The following C1QTNF7 variants were observed in gnomAD, a reference collection of about 807,000 sequenced individuals.
C1QTNF7 encodes the protein complement C1q tumor necrosis factor-related protein 7.
Under a neutral mutation model 19.6 loss-of-function variants are expected in C1QTNF7, and 15 were observed. The observed-to-expected ratio is 0.76, with a 90% CI of 0.51 to 1.18. The LOEUF (loss-of-function observed/expected upper bound fraction) is 1.18, where lower values mean the gene tolerates loss of function less well. C1QTNF7 is among the 50% of genes most tolerant of loss of function. The probability of loss-of-function intolerance (pLI) is 0.00; values close to 1 mark genes in which losing one functional copy is unlikely to be tolerated. For missense variants in C1QTNF7, 324 were observed against 359.7 expected (o/e 0.90, Z 0.80); for synonymous variants, 142 against 137.5 (o/e 1.03, Z -0.23).
chr4:15,350,499 C>G (rs1334993765), intron 1 of C1QTNF7, among the ~76,000 whole-genome samples: 1 of 152,118 alleles, frequency 6.6e-6, no homozygotes, highest in African/African-American at 2.4e-5. Flanking sequence ...CCTCTGAGAT[C>G]TGCAGATGAA....
chr4:15,345,719 G>A (rs1345233653), intron 1 of C1QTNF7, among the ~76,000 whole-genome samples: 1 of 152,176 alleles, frequency 6.6e-6, no homozygotes, highest in Non-Finnish European at 1.5e-5. Context: ...AGCAAAATAG[G>A]TGGCCAACAG....
intron 1 of C1QTNF7, among the ~76,000 whole-genome samples, chr4:15,388,744 A>G (rs1249433828): frequency 6.6e-6 from 1 of 152,234 alleles, no homozygotes; most frequent in Admixed American, 6.5e-5. Context: ...TCTTCCAAGT[A>G]GACACTGAAA....
Position 15,368,646 on chromosome 4 carries a change from T to G in C1QTNF7, c.13+28439T>G, listed in dbSNP as rs566501106. On this transcript the variant is annotated intron_variant, in intron 1 of 2. Coordinates refer to the C1QTNF7 transcript ENST00000295297. ...CATCCCTTTTTATGGCTGCATAGTATTCCATGGTGTATATGTGCCACATTT... is the reference window on the plus strand; with the variant it reads ...CATCCCTTTTTATGGCTGCATAGTAGTCCATGGTGTATATGTGCCACATTT... Among the ~76,000 whole-genome samples, 96 of 152,360 alleles carry G rather than the reference T, an allele frequency of 6.3e-4. 2 individuals are homozygous for G. In the East Asian group the frequency reaches 0.015, roughly 25 times the overall value.
chr4:15,372,806 T>C (rs1469561287), intron 1 of C1QTNF7, among the ~76,000 whole-genome samples: 2 of 151,974 alleles, frequency 1.3e-5, no homozygotes, highest in Non-Finnish European at 2.9e-5. Flanking sequence ...ATTCTTAACA[T>C]TACATGAAAA....
chr4:15,378,451 A>C (rs761335291), intron 1 of C1QTNF7, among the ~76,000 whole-genome samples: 1 of 152,206 alleles, frequency 6.6e-6, no homozygotes, highest in South Asian at 2.1e-4. Flanking sequence ...TCTGAACCAA[A>C]CTATATTACA....
At chr4:15,398,369 C>A (rs1489490626) in intron 1 of C1QTNF7, among the ~76,000 whole-genome samples, 1 of 152,002 alleles carries the variant, frequency 6.6e-6, no homozygotes, top group Admixed American at 6.5e-5. Flanking sequence ...TATTGACCAC[C>A]CCCCCTCCCT....
intron 1 of C1QTNF7, among the ~76,000 whole-genome samples, chr4:15,432,635 T>C (rs1047213416): frequency 1.3e-5 from 2 of 152,176 alleles, no homozygotes; most frequent in Non-Finnish European, 2.9e-5. Flanking sequence ...CTTCAAGTGA[T>C]CCTCCAACCT....
At chr4:15,365,130 A>G (rs1246115141) in intron 1 of C1QTNF7, among the ~76,000 whole-genome samples, 1 of 152,150 alleles carries the variant, frequency 6.6e-6, no homozygotes, top group Non-Finnish European at 1.5e-5. Context: ...TTTACAAGCA[A>G]ACGAGCAGGT....
intron 1 of C1QTNF7, among the ~76,000 whole-genome samples, chr4:15,368,461 C>T (rs1717607657): frequency 6.6e-6 from 1 of 152,080 alleles, no homozygotes; most frequent in South Asian, 2.1e-4. Context: ...CCATGACAGG[C>T]CCCGGTGTGT....
At chr4:15,393,786 T>C (rs976674332) in intron 1 of C1QTNF7, among the ~76,000 whole-genome samples, 2 of 152,200 alleles carry the variant, frequency 1.3e-5, no homozygotes, top group African/African-American at 4.8e-5. Context: ...AAGACAGGGC[T>C]ACTCACTCAT....
At chr4:15,391,958 G>C (rs1190971226) in intron 1 of C1QTNF7, among the ~76,000 whole-genome samples, 1 of 151,794 alleles carries the variant, frequency 6.6e-6, no homozygotes, top group Non-Finnish European at 1.5e-5. Context: ...CAGGCAGTGA[G>C]AGAGAGAGAG....
At chr4:15,367,803 A>G (rs749431570) in intron 1 of C1QTNF7, among the ~76,000 whole-genome samples, 13 of 131,234 alleles carry the variant, frequency 9.9e-5, no homozygotes, top group Non-Finnish European at 2.0e-4. Context: ...AATGTTAGCC[A>G]GGAAACTTGT....
chr4:15,359,208 CA>C (rs547709986), intron 1 of C1QTNF7, among the ~76,000 whole-genome samples: 96 of 152,114 alleles, frequency 6.3e-4, no homozygotes, highest in Non-Finnish European at 1.1e-3. Flanking sequence ...CTGCTCTCAC[CA>C]ACCAGTATCC....
At chr4:15,344,221 G>C (rs1365134341) in intron 1 of C1QTNF7, among the ~76,000 whole-genome samples, 1 of 152,216 alleles carries the variant, frequency 6.6e-6, no homozygotes, top group Non-Finnish European at 1.5e-5. Context: ...AGAAAGCCTT[G>C]AATGCCAAAC....
intron 1 of C1QTNF7, among the ~76,000 whole-genome samples, chr4:15,429,889 C>T (rs986154776): frequency 6.6e-6 from 1 of 152,116 alleles, no homozygotes; most frequent in African/African-American, 2.4e-5. Context: ...ACATTCCCAC[C>T]ACCAACATAT....
chr4:15,347,283 C>A (rs564738219), intron 1 of C1QTNF7, among the ~76,000 whole-genome samples: 44 of 152,326 alleles, frequency 2.9e-4, no homozygotes, highest in South Asian at 1.9e-3. Flanking sequence ...TAAGGCCGCT[C>A]CTTCCATTAA....
intron 1 of C1QTNF7, among the ~76,000 whole-genome samples, chr4:15,429,129 A>C (rs2108933042): frequency 6.6e-6 from 1 of 152,350 alleles, no homozygotes; most frequent in South Asian, 2.1e-4. Context: ...GTGAGGATAA[A>C]GTAAAAGATG....
intron 1 of C1QTNF7, among the ~76,000 whole-genome samples, chr4:15,422,694 T>A (rs1001044521): frequency 3.9e-5 from 6 of 152,194 alleles, no homozygotes; most frequent in African/African-American, 1.4e-4. Context: ...AGCTTCAACA[T>A]CTCGGGCTCA....
chr4:15,371,929 G>C (rs577003825), intron 1 of C1QTNF7, among the ~76,000 whole-genome samples: 43 of 149,784 alleles, frequency 2.9e-4, no homozygotes, highest in Non-Finnish European at 5.1e-4. Flanking sequence ...GGAAAGAGTA[G>C]GAAAGGAAAG....
Sources: gnomAD v4.1 joint callset for allele counts (sites outside exome capture counted in the v4.1 genomes callset) on GRCh38, gnomAD v4.1.1 for gene constraint, MANE v1.5 for transcripts, NCBI Gene and HGNC (gene_info 2026-07-23, HGNC 2026-07-21) for gene names.